Variants in CPPED1 observed in about 807,000 individuals in gnomAD.
The protein encoded by CPPED1 is serine/threonine-protein phosphatase CPPED1.
A neutral mutation model predicts 28.0 loss-of-function variants in CPPED1; 28 were observed. That is an observed-to-expected ratio of 1.00 (90% CI 0.74 to 1.37). CPPED1 has a LOEUF of 1.37. CPPED1 is among the 40% of genes most tolerant of loss of function. The probability of loss-of-function intolerance (pLI) is 0.00; values close to 1 mark genes in which losing one functional copy is unlikely to be tolerated. For missense variants in CPPED1, 504 were observed against 416.5 expected (o/e 1.21, Z -1.83); for synonymous variants, 198 against 180.2 (o/e 1.10, Z -0.79).
intron 2 of CPPED1, among the ~76,000 whole-genome samples, chr16:12,723,574 C>T (rs895119102): frequency 4.6e-5 from 7 of 152,220 alleles, no homozygotes; most frequent in African/African-American, 1.4e-4. Flanking sequence ...CGGAAGGAAT[C>T]GATCTACCAA....
intron 2 of CPPED1, among the ~76,000 whole-genome samples, chr16:12,770,423 TA>T (rs1343826675): frequency 6.6e-6 from 1 of 152,224 alleles, no homozygotes; most frequent in African/African-American, 2.4e-5. Flanking sequence ...ATGCAGTTAT[TA>T]AAAGCCTCAC....
At chr16:12,681,653 G>A (rs1214997471) in intron 3 of CPPED1, among the ~76,000 whole-genome samples, 1 of 152,160 alleles carries the variant, frequency 6.6e-6, no homozygotes, top group Non-Finnish European at 1.5e-5. Flanking sequence ...ACCTAGGGCT[G>A]TGCATTCTCG....
chr16:12,792,445 C>A (rs1456461326), intron 1 of CPPED1, among the ~76,000 whole-genome samples: 1 of 152,074 alleles, frequency 6.6e-6, no homozygotes, highest in Non-Finnish European at 1.5e-5. Flanking sequence ...GGACAGGAAC[C>A]CACAACAAAA....
chr16:12,790,407 A>G (rs1187521792), intron 1 of CPPED1, among the ~76,000 whole-genome samples: 1 of 152,204 alleles, frequency 6.6e-6, no homozygotes, highest in African/African-American at 2.4e-5. Flanking sequence ...CAGTTAAGCA[A>G]TGACTAACTA....
intron 2 of CPPED1, among the ~76,000 whole-genome samples, chr16:12,755,281 C>CTTTTTTTT (rs35135598): frequency 1.6e-5 from 2 of 128,810 alleles, no homozygotes; most frequent in African/African-American, 5.9e-5. Context: ...AGTATGCATT[C>CTTTTTTTT]TTTTTTTTTT....
intron 3 of CPPED1, among the ~76,000 whole-genome samples, chr16:12,686,735 T>G (rs78116148): frequency 1.3e-5 from 2 of 152,138 alleles, no homozygotes; most frequent in African/African-American, 4.8e-5. Flanking sequence ...ACGACAGACA[T>G]GAGAGGCAGA....
intron 3 of CPPED1, among the ~76,000 whole-genome samples, chr16:12,686,242 T>TATA (rs58075629): frequency 4.8e-4 from 54 of 112,642 alleles, no homozygotes; most frequent in East Asian, 1.5e-3. Context: ...TATATATATA[T>TATA]TTTTTTTTTT....
chr16:12,784,730 G>A (rs2080552742), intron 1 of CPPED1, among the ~76,000 whole-genome samples: 1 of 152,188 alleles, frequency 6.6e-6, no homozygotes. Flanking sequence ...TAAGGGAGGT[G>A]AACACAGGCA....
intron 2 of CPPED1, among the ~76,000 whole-genome samples, chr16:12,712,343 AAACTCCTTTCAGGGGGCAAGTAG>A (rs1567283453): frequency 6.6e-6 from 1 of 152,140 alleles, no homozygotes; most frequent in African/African-American, 2.4e-5. Flanking sequence ...TCAGTAATTA[AAACTCCTTTCAGGGGGCAAGTAG>A]AACTCCTTTC....
At chr16:12,773,531 T>C (rs557817809) in intron 2 of CPPED1, among the ~76,000 whole-genome samples, 7 of 152,246 alleles carry the variant, frequency 4.6e-5, no homozygotes, top group African/African-American at 1.7e-4. Flanking sequence ...AAGACCAGCC[T>C]AGGCAACATG....
intron 2 of CPPED1, among the ~76,000 whole-genome samples, chr16:12,712,730 A>G (rs1411345745): frequency 6.6e-6 from 1 of 152,190 alleles, no homozygotes; most frequent in African/African-American, 2.4e-5. Context: ...AGCTAGTAGT[A>G]CGACACAATT....
In CPPED1 at chr16:12,739,382, C is replaced by T. The variant is rs540253565; in HGVS notation, c.290-34333G>A. ...ATCACCTGAGGTCAGGAGTTCAAGA[C>T]CAGGTTGGCCAACATGGTGAAACTC... On this transcript the variant is annotated intron_variant, in intron 2 of 3. Transcript: ENST00000381774. 4.6e-5 allele frequency among the ~76,000 whole-genome samples: 7 copies of T among 152,150 alleles called. No homozygotes were observed. In the East Asian group the frequency reaches 1.4e-3, roughly 29 times the overall value.
intron 3 of CPPED1, among the ~76,000 whole-genome samples, chr16:12,690,662 CAAAAA>C (rs748989286): frequency 1.1e-5 from 1 of 94,674 alleles, no homozygotes; most frequent in Non-Finnish European, 2.3e-5. Flanking sequence ...TAGTTTCTAC[CAAAAA>C]AAAAAAAAAA....
At chr16:12,790,433 C>A in intron 1 of CPPED1, among the ~76,000 whole-genome samples, 1 of 152,248 alleles carries the variant, frequency 6.6e-6, no homozygotes, top group East Asian at 1.9e-4. Flanking sequence ...AAGGTGCCCC[C>A]AAAAGCAAAT....
rs553676944 is a variant in CPPED1 at position 12,785,164 on chromosome 16, A to C, written c.71-3761T>G. On this transcript the variant is annotated intron_variant, in intron 1 of 3. Coordinates refer to ENST00000381774, the MANE Select transcript of CPPED1 (RefSeq NM_018340.3). The stretch of plus-strand genomic sequence containing the variant: ...AAGATATTTGGAGCTTACAATGCTT[A>C]ATTCTAGAAGGAGGAATCTCTTTTA... Among the ~76,000 whole-genome samples, 16 of 152,356 alleles carry C rather than the reference A, an allele frequency of 1.1e-4. No individual in the cohort carries two copies. In the South Asian group the frequency reaches 3.3e-3, roughly 32 times the overall value.
intron 3 of CPPED1, among the ~76,000 whole-genome samples, chr16:12,674,905 T>C (rs1331827589): frequency 1.3e-5 from 2 of 152,184 alleles, no homozygotes; most frequent in African/African-American, 4.8e-5. Context: ...TGGGTGTCAG[T>C]ACCAAGCTCC....
intron 3 of CPPED1, among the ~76,000 whole-genome samples, chr16:12,667,677 C>T (rs1049450519): frequency 6.6e-6 from 1 of 152,032 alleles, no homozygotes; most frequent in Admixed American, 6.6e-5. Context: ...AGGAAATGAT[C>T]CAGAAGACAA....
Position 12,781,369 on chromosome 16 carries a change from G to A in CPPED1, c.105C>T (p.Phe35=). The A allele has an allele frequency of 6.2e-7, 1 of 1,614,130 alleles. No homozygotes were observed. Among genetic ancestry groups the A allele is most frequent in the Non-Finnish European group, 8.5e-7 (1 of 1,180,020 alleles). Residue 35 remains phenylalanine (F), a synonymous_variant, in exon 2 of 4, where the codon TTC becomes TTT. Coordinates refer to ENST00000381774, the MANE Select transcript of CPPED1 (RefSeq NM_018340.3). ...KESEWKGPFY[F]ILGADPQFGL... ...CAAACTGTGGGTCTGCGCCCAGGAT[G>A]AAGTAGAATGGGCCTTTCCATTCGC...
chr16:12,726,047 AT>A (rs775785867), intron 2 of CPPED1, among the ~76,000 whole-genome samples: 10 of 149,076 alleles, frequency 6.7e-5, no homozygotes, highest in African/African-American at 1.7e-4. Flanking sequence ...AGAAAAAATC[AT>A]TTTTTTTTTA....
Sources: gnomAD v4.1 joint callset for allele counts (sites outside exome capture counted in the v4.1 genomes callset) on GRCh38, gnomAD v4.1.1 for gene constraint, MANE v1.5 for transcripts, NCBI Gene and HGNC (gene_info 2026-07-23, HGNC 2026-07-21) for gene names.